The following TSGA10 variants were observed in gnomAD, a reference collection of about 807,000 sequenced individuals.
TSGA10 encodes testis specific 10.
TSGA10 carries 43 observed loss-of-function variants against 96.6 expected under a neutral mutation model. The observed-to-expected ratio is 0.44, with a 90% CI of 0.35 to 0.57. TSGA10 has a LOEUF of 0.57. TSGA10 is among the 20% of genes least tolerant of loss of function. The probability of loss-of-function intolerance (pLI) is 0.01; values close to 1 mark genes in which losing one functional copy is unlikely to be tolerated. For synonymous variants in TSGA10, 229 were observed against 269.9 expected (o/e 0.85, Z 1.48); for missense variants, 703 against 834.4 (o/e 0.84, Z 1.94).
chr2:99,036,066 C>T (rs2081599942), intron 16 of TSGA10, among the ~76,000 whole-genome samples: 1 of 152,006 alleles, frequency 6.6e-6, no homozygotes, highest in South Asian at 2.1e-4. Flanking sequence ...CAAGATAATT[C>T]CACCCCCACC....
intron 17 of TSGA10, among the ~76,000 whole-genome samples, chr2:99,028,646 C>T (rs1055745726): frequency 2.6e-4 from 39 of 152,152 alleles, no homozygotes; most frequent in African/African-American, 9.2e-4. Context: ...CCCTCATCAC[C>T]ACCATTCTAC....
intron 20 of TSGA10, among the ~76,000 whole-genome samples, chr2:99,016,407 A>G (rs1368611672): frequency 6.6e-6 from 1 of 152,204 alleles, no homozygotes; most frequent in East Asian, 1.9e-4. Flanking sequence ...AGGACATCTT[A>G]TTCAACAAAT....
chr2:99,078,542 GA>G (rs1292248259), intron 12 of TSGA10, 116 bp downstream of exon 12: 203 of 1,109,660 alleles, frequency 1.8e-4, no homozygotes, highest in Admixed American at 3.7e-4. Flanking sequence ...CCAGCTTCTA[GA>G]AAAACATTTG....
intron 20 of TSGA10, among the ~76,000 whole-genome samples, chr2:99,004,096 T>C (rs962089069): frequency 3.3e-5 from 5 of 151,924 alleles, no homozygotes; most frequent in East Asian, 3.9e-4. Context: ...ATAGATGCAA[T>C]AAAAAATGAT....
intron 4 of TSGA10, among the ~76,000 whole-genome samples, chr2:99,116,221 ATTCAACAGGTTGTTTTTTGGCC>A (rs1156332407): frequency 6.6e-6 from 1 of 152,244 alleles, no homozygotes; most frequent in Non-Finnish European, 1.5e-5. Flanking sequence ...TCATTTAAAA[ATTCAACAGGTTGTTTTTTGGCC>A]TTCAAATATG....
At chr2:99,086,040 C>T (rs557771924) in intron 10 of TSGA10, among the ~76,000 whole-genome samples, 1 of 152,096 alleles carries the variant, frequency 6.6e-6, no homozygotes, top group Non-Finnish European at 1.5e-5. Flanking sequence ...CAAAGCAATC[C>T]AATGGGGAAA....
At chr2:99,000,527 A>G (rs972701380) in intron 20 of TSGA10, among the ~76,000 whole-genome samples, 45 of 151,634 alleles carry the variant, frequency 3.0e-4, no homozygotes, top group Non-Finnish European at 4.7e-4. Context: ...AAAAAAAAAA[A>G]AGGGGATCGT....
chr2:99,074,351 C>CGTGTGT (rs147220063), intron 12 of TSGA10, among the ~76,000 whole-genome samples: 2,784 of 145,108 alleles, frequency 0.019, 88 homozygotes, highest in African/African-American at 0.067. Flanking sequence ...CACATATTTG[C>CGTGTGT]GTGTGTGTGT....
intron 16 of TSGA10, among the ~76,000 whole-genome samples, chr2:99,044,511 C>G (rs1558825800): frequency 6.6e-6 from 1 of 152,108 alleles, no homozygotes; most frequent in Non-Finnish European, 1.5e-5. Flanking sequence ...GCACCCAATA[C>G]AGGAACACCC....
rs983874593 is a variant in TSGA10, at chr2:99,154,895, G to A, written c.-823C>T. The stretch of plus-strand genomic sequence containing the variant: ...CTCCGCAGGCGGAGAGACTAGGCGC[G>A]ATCCCTGCGCGCCCCTCCTTCTCTT... On this transcript the variant is annotated 5_prime_UTR_variant, in exon 1 of 21. Transcript: ENST00000393483. The A allele has an allele frequency of 7.3e-6, 3 of 411,070 alleles. No individual in the cohort carries two copies. Among genetic ancestry groups the A allele is most frequent in the Non-Finnish European group, 9.8e-6 (2 of 203,722 alleles). The allele number at this position is 411,070 out of a possible 1,614,324, so 25.5% of individuals were successfully genotyped here. A position where few individuals can be genotyped will look rare whatever the true frequency, so the allele number is the denominator to read the frequency against.
chr2:99,115,727 A>G (rs2092209113), intron 4 of TSGA10, among the ~76,000 whole-genome samples: 5 of 152,080 alleles, frequency 3.3e-5, no homozygotes, highest in Admixed American at 2.6e-4. Context: ...TAAAAATATG[A>G]AAATTAGATG....
intron 20 of TSGA10, among the ~76,000 whole-genome samples, chr2:99,002,476 C>T (rs2078026657): frequency 6.6e-6 from 1 of 152,170 alleles, no homozygotes; most frequent in Non-Finnish European, 1.5e-5. Context: ...AAAAGAGCTC[C>T]TGAAGGAAGC....
Position 99,074,816 on chromosome 2 carries a change from G to A in TSGA10, c.883-1743C>T, listed in dbSNP as rs1002659653. On this transcript the variant is annotated intron_variant, in intron 12 of 20. Coordinates refer to ENST00000393483, the MANE Select transcript of TSGA10 (RefSeq NM_025244.4). Reference sequence around the variant, plus strand: ...TCTACTGAAAATACAAAAATTAGCCGGGTGCAGTGGTGGGCGCCTATAATC... The same window carrying A: ...TCTACTGAAAATACAAAAATTAGCCAGGTGCAGTGGTGGGCGCCTATAATC... 2.6e-5 allele frequency among the ~76,000 whole-genome samples: 4 copies of A among 151,838 alleles called. No homozygotes were observed. In the East Asian group the frequency reaches 5.8e-4, roughly 22 times the overall value.
At chr2:99,152,111 T>G (rs1028286512) in intron 1 of TSGA10, among the ~76,000 whole-genome samples, 10 of 152,232 alleles carry the variant, frequency 6.6e-5, no homozygotes, top group African/African-American at 2.4e-4. Context: ...AGCCTGGCAC[T>G]GTGCTTGGTG....
Position 99,071,800 on chromosome 2 carries a change from T to A in TSGA10, c.1013A>T (p.Asp338Val). ...RMRRQLDETN[D>V]ELAQIARERD... The stretch of plus-strand genomic sequence containing the variant: ...TTCCCTGGCGATCTGGGCCAGCTCA[T>A]CATTTGTCTCATCCAATTGCCGACG... The change falls in exon 14 of 21, where the codon GAT (aspartate) becomes GTT (valine). Residue 338 changes from aspartate to valine, a missense_variant. Physicochemically the swap from Asp to Val is radical, Grantham distance 152. Around this residue, in one of 3 missense-constraint regions of TSGA10, gnomAD observed 585 missense variants for 656.8 expected, o/e 0.89. Transcript: ENST00000393483. 1 of 1,614,090 alleles carries A rather than the reference T, an allele frequency of 6.2e-7. No homozygotes were observed. Among genetic ancestry groups the A allele is most frequent in the Non-Finnish European group, 8.5e-7 (1 of 1,179,934 alleles).
At chr2:99,027,896 A>G (rs936770148) in intron 17 of TSGA10, among the ~76,000 whole-genome samples, 1 of 152,176 alleles carries the variant, frequency 6.6e-6, no homozygotes, top group African/African-American at 2.4e-5. Flanking sequence ...ATATTGTAGC[A>G]TCTCTAAATA....
chr2:99,138,353 T>C (rs2093408084), intron 1 of TSGA10, among the ~76,000 whole-genome samples: 3 of 152,220 alleles, frequency 2.0e-5, no homozygotes, highest in Admixed American at 2.0e-4. Context: ...AATTATATCA[T>C]TTGCTGACTT....
At chr2:99,139,543 T>C (rs770391193) in intron 1 of TSGA10, among the ~76,000 whole-genome samples, 4 of 152,170 alleles carry the variant, frequency 2.6e-5, no homozygotes, top group Non-Finnish European at 5.9e-5. Context: ...TGTAGACTTA[T>C]AGACATTGAA....
intron 10 of TSGA10, among the ~76,000 whole-genome samples, chr2:99,096,178 A>G (rs2090013236): frequency 6.6e-6 from 1 of 152,268 alleles, no homozygotes; most frequent in African/African-American, 2.4e-5. Flanking sequence ...AAATTAAAAC[A>G]TTAGGTACAT....
Sources: allele counts gnomAD v4.1 joint callset (sites outside exome capture counted in the v4.1 genomes callset), GRCh38; gene constraint gnomAD v4.1.1; regional missense constraint gnomAD v4.1.1; transcripts MANE v1.5; gene names NCBI Gene and HGNC (gene_info 2026-07-23, HGNC 2026-07-21).